NPAS1: variants seen among roughly 807,000 people sequenced by gnomAD.
NPAS1 encodes the protein neuronal PAS domain-containing protein 1.
In NPAS1, 29 loss-of-function variants were observed where a neutral mutation model predicts 49.2. The observed-to-expected ratio is 0.59, with a 90% CI of 0.44 to 0.80. The LOEUF (loss-of-function observed/expected upper bound fraction) is 0.80, where lower values mean the gene tolerates loss of function less well. Ranked by LOEUF, NPAS1 falls within the 30% of genes least tolerant of loss-of-function variation. NPAS1 has a pLI of 0.00. For synonymous variants in NPAS1, 408 were observed against 380.4 expected, an observed-to-expected ratio of 1.07 and a Z score of -0.84; for missense variants, 825 against 835.5, an observed-to-expected ratio of 0.99 and a Z score of 0.15.
Position 47,021,841 on chromosome 19 carries a change from G to A in NPAS1, c.352G>A (p.Gly118Ser), listed in dbSNP as rs563762408. The change falls in exon 3 of 12, where the codon GGC (glycine) becomes AGC (serine). Residue 118 changes from glycine to serine, a missense_variant. Transcript: ENST00000602212. The surrounding 1 kb of genome is among the most constrained non-coding windows in gnomAD (Gnocchi z 5.7). ...GCTGAGAGCCGCGGGGCCGCCAGCT[G>A]GCCTCGGTGAGTGCTCATGCGCGGG... ...WGLRAAGPPA[G>S]LAPGRRGPAA... is the part of the protein sequence containing the mutation. The A allele has an allele frequency of 1.9e-5, 28 of 1,493,714 alleles. No individual in the cohort carries two copies. The African/African-American group carries it at 3.3e-4, about 18-fold the overall frequency. The allele number at this position is 1,493,714 out of a possible 1,614,324, so 92.5% of individuals were successfully genotyped here. A position where few individuals can be genotyped will look rare whatever the true frequency, so the allele number is the denominator to read the frequency against.
At chr19:47,039,304 C>A in intron 7 of NPAS1, 103 bp from the exon 8 acceptor site, 1 of 1,530,104 alleles carries the variant, frequency 6.5e-7, no homozygotes, top group African/African-American at 1.4e-5. Flanking sequence ...AGTGTCCAGT[C>A]CTCCAGCACC....
chr19:47,023,716 G>A (rs532302503), intron 3 of NPAS1, among the ~76,000 whole-genome samples: 4 of 152,146 alleles, frequency 2.6e-5, no homozygotes, highest in Non-Finnish European at 4.4e-5. Flanking sequence ...ACTTTGGGGC[G>A]CCAAGGTGGG....
intron 11 of NPAS1, 102 bp downstream of exon 11, chr19:47,043,006 A>G: frequency 1.1e-6 from 1 of 883,464 alleles, no homozygotes; most frequent in Non-Finnish European, 1.6e-6. Flanking sequence ...CCATTTATAT[A>G]CAATTAAAAT....
rs754282084 is a variant in NPAS1 at position 47,021,207 on chromosome 19, C to T, written c.122+38C>T. 6 of 1,484,342 alleles carry T rather than the reference C, an allele frequency of 4.0e-6. No individual in the cohort carries two copies. The highest frequency in any genetic ancestry group is 2.9e-5 in the African/African-American group (2 of 69,888). The allele number at this position is 1,484,342 out of a possible 1,614,324, so 91.9% of individuals were successfully genotyped here. A position where few individuals can be genotyped will look rare whatever the true frequency, so the allele number is the denominator to read the frequency against. On this transcript the variant is annotated intron_variant, in intron 2 of 11. Coordinates refer to ENST00000602212, the MANE Select transcript of NPAS1 (RefSeq NM_002517.4). The surrounding 1 kb of genome is among the most constrained non-coding windows in gnomAD (Gnocchi z 5.7). Reference sequence around the variant, plus strand: ...CCGCCCCCCTGGCCGCGGGCCCCCCCCCGGGTCCAATTCACACCCGATGTT... The same window carrying T: ...CCGCCCCCCTGGCCGCGGGCCCCCCTCCGGGTCCAATTCACACCCGATGTT...
intron 3 of NPAS1, among the ~76,000 whole-genome samples, chr19:47,024,954 C>A (rs1256714401): frequency 6.6e-6 from 1 of 151,768 alleles, no homozygotes; most frequent in Non-Finnish European, 1.5e-5. Context: ...GGATTACAGG[C>A]GCCTGCCACC....
At position 47,029,393 on chromosome 19, in the gene NPAS1, T is replaced by C. The variant is rs1412873276; in HGVS notation, c.359-2885T>C. On this transcript the variant is annotated intron_variant, in intron 3 of 11. Coordinates refer to ENST00000602212, the MANE Select transcript of NPAS1 (RefSeq NM_002517.4). ...GCCACTGCACCCGGCCTTAGTATTTTTATTTATTATTATTATTATTATTGA... is the reference window on the plus strand; with the variant it reads ...GCCACTGCACCCGGCCTTAGTATTTCTATTTATTATTATTATTATTATTGA... 4.1e-5 allele frequency among the ~76,000 whole-genome samples: 4 copies of C among 97,978 alleles called. No homozygotes were observed. The Admixed American group carries it at 4.5e-4, about 11-fold the overall frequency. 64.3% of individuals were successfully genotyped at this position (97,978 alleles called of 152,430 possible). A position where few individuals can be genotyped will look rare whatever the true frequency, so the allele number is the denominator to read the frequency against.
intron 8 of NPAS1, among the ~76,000 whole-genome samples, chr19:47,039,984 C>T (rs1478364050): frequency 6.6e-5 from 10 of 152,102 alleles, no homozygotes; most frequent in South Asian, 2.1e-4. Context: ...AGCATCCACG[C>T]GAATACTCGC....
At chr19:47,034,578 G>T (rs575119610) in intron 5 of NPAS1, among the ~76,000 whole-genome samples, 11 of 151,956 alleles carry the variant, frequency 7.2e-5, no homozygotes, top group African/African-American at 2.7e-4. Context: ...GAGGGAGGAA[G>T]AGTGGAGGAA....
At chr19:47,039,658 T>C (rs1442621895) in intron 8 of NPAS1, 94 bp downstream of exon 8, 7 of 1,353,488 alleles carry the variant, frequency 5.2e-6, no homozygotes, top group Non-Finnish European at 4.0e-6. Context: ...GTCTGCAGGA[T>C]AGGGCACTGG....
At position 47,045,482 on chromosome 19, in the gene NPAS1, G is replaced by T. The variant is rs1406566167; in HGVS notation, c.1604G>T (p.Gly535Val). ...GGCTTCCTGCCGCCGGTGGTGCGGG[G>T]CCTGTGCACACCCGGCACCATCCGC... Reference protein sequence around the residue: ...HAGFLPPVVRGLCTPGTIRYG... With the variant: ...HAGFLPPVVRVLCTPGTIRYG... The change falls in exon 12 of 12, where the codon GGC (glycine) becomes GTC (valine). Residue 535 changes from glycine (G) to valine (V), a missense_variant. Gly to Val is a moderately radical substitution (Grantham distance 109, BLOSUM62 -3). Coordinates refer to ENST00000602212, the MANE Select transcript of NPAS1 (RefSeq NM_002517.4). 6.4e-7 allele frequency: 1 copy of T among 1,570,034 alleles called. No homozygotes were observed. The highest frequency in any genetic ancestry group is 1.1e-5 in the South Asian group (1 of 87,232).
intron 3 of NPAS1, among the ~76,000 whole-genome samples, chr19:47,026,780 C>G (rs1197667750): frequency 6.6e-6 from 1 of 151,800 alleles, no homozygotes; most frequent in Admixed American, 6.6e-5. Context: ...TATGGTGAAA[C>G]CCCGTCTCAA....
At position 47,045,392 on chromosome 19, in the gene NPAS1, A is replaced by G; in HGVS notation, c.1514A>G (p.Gln505Arg). 6.2e-7 allele frequency: 1 copy of G among 1,612,788 alleles called. No individual in the cohort carries two copies. Among genetic ancestry groups the G allele is most frequent in the Non-Finnish European group, 8.5e-7 (1 of 1,179,654 alleles). ...TSVIRAGVLK[Q>R]DPVRPWGLAP... ...GTCATCCGGGCAGGGGTCCTGAAGC[A>G]GGATCCGGTGCGGCCATGGGGCCTG... Residue 505 changes from glutamine to arginine, a missense_variant, in exon 12 of 12, where the codon CAG (glutamine) becomes CGG (arginine). Transcript: ENST00000602212.
chr19:47,035,926 C>A lies in NPAS1; in HGVS notation c.523-38C>A, dbSNP rs777926125. 4 of 1,475,106 alleles carry A rather than the reference C, an allele frequency of 2.7e-6. No individual in the cohort carries two copies. In the African/African-American group the frequency reaches 4.3e-5, roughly 16 times the overall value. The allele number at this position is 1,475,106 out of a possible 1,614,324, so 91.4% of individuals were successfully genotyped here. A position where few individuals can be genotyped will look rare whatever the true frequency, so the allele number is the denominator to read the frequency against. ...GGGCGAGCGAGTTACTGCGCGCGCACCTCACCCGCCCCCTGCATTCCCCTC... is the reference window on the plus strand; with the variant it reads ...GGGCGAGCGAGTTACTGCGCGCGCAACTCACCCGCCCCCTGCATTCCCCTC... On this transcript the variant is annotated intron_variant, in intron 5 of 11. Transcript: ENST00000602212.
Position 47,021,095 on chromosome 19 carries a change from C to G in NPAS1, c.48C>G (p.Cys16Trp), listed in dbSNP as rs2056836790. The G allele has an allele frequency of 1.9e-6, 3 of 1,603,738 alleles. No individual in the cohort carries two copies. The highest frequency in any genetic ancestry group is 2.6e-6 in the Non-Finnish European group (3 of 1,175,976). ...GTGGCGGCGGAAGCGAGGTCAAATG[C>G]GTGGGAGGCCGCGGCGCCAGCGTCC... ...PGSGGGSEVKCVGGRGASVPW... is the reference protein window; with the variant it reads ...PGSGGGSEVKWVGGRGASVPW... Residue 16 changes from cysteine to tryptophan, a missense_variant, in exon 2 of 12, where the codon TGC becomes TGG. Physicochemically the swap from Cys to Trp is radical, Grantham distance 215. Coordinates refer to ENST00000602212, the MANE Select transcript of NPAS1 (RefSeq NM_002517.4). The surrounding 1 kb of genome is among the most constrained non-coding windows in gnomAD (Gnocchi z 5.7).
At chr19:47,041,257 G>A in intron 10 of NPAS1, 132 bp downstream of exon 10, 2 of 896,898 alleles carry the variant, frequency 2.2e-6, no homozygotes, top group South Asian at 3.9e-5. Context: ...CGAAGGGGAA[G>A]GAGGGGAGGA....
At chr19:47,039,244 G>T in intron 7 of NPAS1, 93 bp downstream of exon 7, 2 of 1,456,912 alleles carry the variant, frequency 1.4e-6, no homozygotes, top group Non-Finnish European at 1.9e-6. Flanking sequence ...TTCACTGGCT[G>T]CAGGTGGCTT....
In NPAS1 at chr19:47,039,075, A is replaced by G; in HGVS notation, c.728A>G (p.Gln243Arg). The G allele has an allele frequency of 1.9e-6, 3 of 1,614,056 alleles. No individual in the cohort carries two copies. Among genetic ancestry groups the G allele is most frequent in the Non-Finnish European group, 8.5e-7 (1 of 1,179,966 alleles). Residue 243 changes from glutamine (Q) to arginine (R), a missense_variant, in exon 7 of 12, where the codon CAG becomes CGG. By Grantham distance (43) the Gln-to-Arg change is conservative. Transcript: ENST00000602212. Reference protein sequence around the residue: ...LTKVPPSSLVQERSFFVRMKS... With the variant: ...LTKVPPSSLVRERSFFVRMKS... ...AAGGTGCCCCCCTCCTCCCTGGTCC[A>G]GGAGCGCTCCTTCTTTGTCCGCATG...
At chr19:47,032,155 A>C (rs1599901965) in intron 3 of NPAS1, 123 bp from the exon 4 acceptor site, 1 of 829,638 alleles carries the variant, frequency 1.2e-6, no homozygotes, top group Non-Finnish European at 1.9e-6. Context: ...ATGGGTGCCC[A>C]GATACCCCAA....
Position 47,036,079 on chromosome 19 carries a change from TCTCCTCTTCCTC to T in NPAS1, c.651_662del (p.Ser219_Ser222del), listed in dbSNP as rs768427599. 1.4e-5 allele frequency: 23 copies of T among 1,590,962 alleles called. No homozygotes were observed. Among genetic ancestry groups the T allele is most frequent in the African/African-American group, 2.7e-5 (2 of 74,370 alleles). Reference sequence around the variant, plus strand: ...CCCGGCCCCCCAACCCCGCCCTCCGTCTCCTCTTCCTCCTCCTCTTCCTCTTCGCTTGCAGAT... The same window carrying T: ...CCCGGCCCCCCAACCCCGCCCTCCGTCTCCTCTTCCTCTTCGCTTGCAGAT... On this transcript the variant is annotated inframe_deletion, in exon 6 of 12. Coordinates refer to ENST00000602212, the MANE Select transcript of NPAS1 (RefSeq NM_002517.4).
Sources: allele counts gnomAD v4.1 joint callset (sites outside exome capture counted in the v4.1 genomes callset), GRCh38; gene constraint gnomAD v4.1.1; non-coding constraint Gnocchi (gnomAD v3.1); transcripts MANE v1.5; gene names NCBI Gene and HGNC (gene_info 2026-07-23, HGNC 2026-07-21).